Variants in SELE observed in about 807,000 individuals in gnomAD.
SELE encodes selectin E, also known as E-selectin.
Under a neutral mutation model 75.8 loss-of-function variants are expected in SELE, and 52 were observed. That is an observed-to-expected ratio of 0.69 (90% CI 0.55 to 0.86). SELE has a LOEUF of 0.86. Among genes scored for constraint, SELE ranks in the 40% least tolerant of loss-of-function variants. The pLI, the probability that SELE is intolerant of heterozygous loss-of-function variation, is 0.00. For synonymous variants in SELE, 285 were observed against 258.7 expected, an observed-to-expected ratio of 1.10 and a Z score of -0.98; for missense variants, 754 against 732.7, an observed-to-expected ratio of 1.03 and a Z score of -0.34.
At position 169,730,558 on chromosome 1, in the gene SELE, G is replaced by A. The variant is rs1418142633; in HGVS notation, c.589C>T (p.Leu197=). ...GAAGAATTGTAGCTGAAGTTTCCCA[G>A]TGGGTGACTGCAAACCAGGCTTCCA... ...EHGSLVCSHP[L]GNFSYNSSCS... The change falls in exon 5 of 14, where the codon CTG becomes TTG. Residue 197 remains leucine, a synonymous_variant. Coordinates refer to ENST00000333360, the MANE Select transcript of SELE (RefSeq NM_000450.2). 4.3e-6 allele frequency: 7 copies of A among 1,613,912 alleles called. No individual in the cohort carries two copies. The Admixed American group carries it at 1.2e-4, about 27-fold the overall frequency.
rs747974354 is a variant in SELE at position 169,729,262 on chromosome 1, G to C, written c.1014C>G (p.Gly338=). Residue 338 remains glycine (G), a synonymous_variant, in exon 7 of 14, where the codon GGC becomes GGG. Transcript: ENST00000333360. ...CCTGGGCTGGTCCCTGCAACATGAA[G>C]CCTTCCTCACAGGTGAAGTTGCAGG... ...KSSCNFTCEE[G]FMLQGPAQVE... is the part of the protein sequence containing the mutation. 5.6e-6 allele frequency: 9 copies of C among 1,614,008 alleles called. No homozygotes were observed. Among genetic ancestry groups the C allele is most frequent in the Non-Finnish European group, 1.7e-6 (2 of 1,180,006 alleles).
chr1:169,726,208 T>A (rs1291824597), intron 11 of SELE, among the ~76,000 whole-genome samples: 1 of 152,202 alleles, frequency 6.6e-6, no homozygotes, highest in Non-Finnish European at 1.5e-5. Context: ...TCCAAAGTCT[T>A]AATTTAAATG....
chr1:169,725,334 G>C (rs762323728), intron 13 of SELE, among the ~76,000 whole-genome samples: 1 of 151,024 alleles, frequency 6.6e-6, no homozygotes, highest in African/African-American at 2.4e-5. Flanking sequence ...AGTGAGCCAA[G>C]ATCATGCCAC....
In SELE at chr1:169,732,965, T is replaced by A; in HGVS notation, c.71A>T (p.Tyr24Phe). The change falls in exon 3 of 14, where the codon TAC (tyrosine) becomes TTC (phenylalanine). Residue 24 changes from tyrosine to phenylalanine, a missense_variant. Physicochemically the swap from Tyr to Phe is conservative, Grantham distance 22. Transcript: ENST00000333360. ...LLIKESGAWS[Y>F]NTSTEAMTYD... ...AGTCATAGCTTCCGTGGAGGTGTTG[T>A]AAGACCAGGCTCCACTCTCTTTAAT... 6.2e-7 allele frequency: 1 copy of A among 1,607,708 alleles called. No individual in the cohort carries two copies. Among genetic ancestry groups the A allele is most frequent in the Non-Finnish European group, 8.5e-7 (1 of 1,177,972 alleles).
chr1:169,725,778 T>A lies in SELE; in HGVS notation c.1799A>T (p.Asp600Val). Reference protein sequence around the residue: ...PASSCQSLESDGSYQKPSYIL With the variant: ...PASSCQSLESVGSYQKPSYIL ...GTAAGAAGGCTTTTGGTAGCTTCCA[T>A]CTGATTCAAGGCTTTGGCAGCTGCT... The change falls in exon 13 of 14, where the codon GAT (aspartate) becomes GTT (valine). Residue 600 changes from aspartate to valine, a missense_variant. Physicochemically the swap from Asp to Val is radical, Grantham distance 152. Coordinates refer to ENST00000333360, the MANE Select transcript of SELE (RefSeq NM_000450.2). The A allele has an allele frequency of 6.2e-7, 1 of 1,614,082 alleles. No individual in the cohort carries two copies. Among genetic ancestry groups the A allele is most frequent in the Non-Finnish European group, 8.5e-7 (1 of 1,179,966 alleles).
Position 169,731,872 on chromosome 1 carries a change from C to T in SELE, c.492G>A (p.Lys164=), listed in dbSNP as rs199556574. 73 of 1,613,718 alleles carry T rather than the reference C, an allele frequency of 4.5e-5. No individual in the cohort carries two copies. Among genetic ancestry groups the T allele is most frequent in the Middle Eastern group, 1.6e-4 (1 of 6,082 alleles). ...CVETINNYTC[K]CDPGFSGLKC... Reference sequence around the variant, plus strand: ...TGAGTCCACTGAAGCCAGGGTCACACTTGCAAGTGTAATTATTGATGGTCT... The same window carrying T: ...TGAGTCCACTGAAGCCAGGGTCACATTTGCAAGTGTAATTATTGATGGTCT... The change falls in exon 4 of 14, where the codon AAG becomes AAA. Residue 164 remains lysine (K), a synonymous_variant. Coordinates refer to ENST00000333360, the MANE Select transcript of SELE (RefSeq NM_000450.2).
intron 5 of SELE, 84 bp downstream of exon 5, chr1:169,730,348 T>A: frequency 7.8e-7 from 1 of 1,283,050 alleles, no homozygotes; most frequent in Non-Finnish European, 1.0e-6. Context: ...TTCCCTGAAG[T>A]TTTGAAAATG....
chr1:169,725,573 T>C (rs1022047125), intron 13 of SELE, among the ~76,000 whole-genome samples, 156 bp downstream of exon 13: 2 of 150,510 alleles, frequency 1.3e-5, no homozygotes, highest in Admixed American at 6.6e-5. Context: ...CCTCTCCTTC[T>C]ACAAAAAATA....
intron 3 of SELE, among the ~76,000 whole-genome samples, chr1:169,732,372 A>G (rs965203640): frequency 1.4e-5 from 2 of 146,284 alleles, no homozygotes; most frequent in African/African-American, 2.5e-5. Flanking sequence ...GCTGTAGGCT[A>G]TATATATATA....
At chr1:169,730,702 T>TA in intron 4 of SELE, 85 bp from the exon 5 acceptor site, 1 of 780,820 alleles carries the variant, frequency 1.3e-6, no homozygotes, top group Middle Eastern at 2.7e-4. Context: ...AGTTTGGTTT[T>TA]TTTTTTTTTT....
At chr1:169,733,282 C>A (rs983919787) in intron 2 of SELE, among the ~76,000 whole-genome samples, 1 of 152,134 alleles carries the variant, frequency 6.6e-6, no homozygotes, top group African/African-American at 2.4e-5. Context: ...TTATTGAGCA[C>A]TTAGTATGCA....
chr1:169,733,851 A>G, intron 1 of SELE, 120 bp downstream of exon 1: 1 of 561,822 alleles, frequency 1.8e-6, no homozygotes. Flanking sequence ...TCAAAGAGAA[A>G]AGACAGGTTT....
intron 7 of SELE, 89 bp downstream of exon 7, chr1:169,729,097 T>C (rs375025151): frequency 6.8e-6 from 8 of 1,181,382 alleles, no homozygotes; most frequent in Non-Finnish European, 1.2e-6. Flanking sequence ...TTTCTATAGT[T>C]AAAGTGGGTA....
rs1431483362 is a variant in SELE at position 169,724,337 on chromosome 1, T to C, written c.*188A>G. 6.6e-6 allele frequency: 1 copy of C among 152,334 alleles called. No homozygotes were observed. The highest frequency in any genetic ancestry group is 2.1e-4 in the South Asian group (1 of 4,834). The allele number at this position is 152,334 out of a possible 1,614,324, so 9.4% of individuals were successfully genotyped here. On this transcript the variant is annotated 3_prime_UTR_variant, in exon 14 of 14. Coordinates refer to ENST00000333360, the MANE Select transcript of SELE (RefSeq NM_000450.2). Reference sequence around the variant, plus strand: ...GAAAGGGAACACTGAGTCTTTTCAGTTGAAGGCCGTCCTTGCCTGCTGGAC... The same window carrying C: ...GAAAGGGAACACTGAGTCTTTTCAGCTGAAGGCCGTCCTTGCCTGCTGGAC...
Position 169,723,586 on chromosome 1 carries a change from T to C in SELE, c.*939A>G, listed in dbSNP as rs1159805647. 6.6e-6 allele frequency: 1 copy of C among 152,224 alleles called. No homozygotes were observed. 9.4% of individuals were successfully genotyped at this position (152,224 alleles called of 1,614,324 possible). A position where few individuals can be genotyped will look rare whatever the true frequency, so the allele number is the denominator to read the frequency against. ...GACAATATACAAACCTTCCATTCAGTTTTTACTCTCCAATTCTACCATGTT... is the reference window on the plus strand; with the variant it reads ...GACAATATACAAACCTTCCATTCAGCTTTTACTCTCCAATTCTACCATGTT... On this transcript the variant is annotated 3_prime_UTR_variant, in exon 14 of 14. Coordinates refer to ENST00000333360, the MANE Select transcript of SELE (RefSeq NM_000450.2).
chr1:169,727,988 A>G, intron 8 of SELE, 61 bp from the exon 9 acceptor site: 2 of 1,587,490 alleles, frequency 1.3e-6, no homozygotes, highest in Non-Finnish European at 1.7e-6. Flanking sequence ...ACGTTTCCCA[A>G]GGTAACCAAG....
chr1:169,729,490 T>G lies in SELE; in HGVS notation c.899A>C (p.Lys300Thr), dbSNP rs1284755744. 1.9e-6 allele frequency: 3 copies of G among 1,613,894 alleles called. No homozygotes were observed. In the African/African-American group the frequency reaches 4.0e-5, roughly 22 times the overall value. ...GNWDNEKPTC[K>T]AVTCRAVRQP... ...GTCTCCATGTGGAACAACTCTACCT[T>G]TACACGTTGGCTTCTCGTTGTCCCA... is the stretch of plus-strand genomic sequence containing the variant. Residue 300 changes from lysine to threonine, a missense_variant and splice_region_variant, in exon 6 of 14, where the codon AAA becomes ACA. Physicochemically the swap from Lys to Thr is moderately conservative, Grantham distance 78. Transcript: ENST00000333360.
rs1261295472 is a variant in SELE, at chr1:169,725,606, C to A, written c.*15+123G>T. ...ATAAAGCAACTTTCCAGAACAATAC[C>A]CAGGTGATGATTTCTCCCCTGCTCC... On this transcript the variant is annotated intron_variant, in intron 13 of 13. Coordinates refer to ENST00000333360, the MANE Select transcript of SELE (RefSeq NM_000450.2). 18 of 702,550 alleles carry A rather than the reference C, an allele frequency of 2.6e-5. 1 individual carries two copies. The East Asian group carries it at 4.8e-4, about 19-fold the overall frequency. The allele number at this position is 702,550 out of a possible 1,614,324, so 43.5% of individuals were successfully genotyped here.
At position 169,723,060 on chromosome 1, in the gene SELE, AG is replaced by A. The variant is rs1448087016; in HGVS notation, c.*1464del. The A allele has an allele frequency of 2.6e-5, 4 of 152,218 alleles. No homozygotes were observed. Among genetic ancestry groups the A allele is most frequent in the Non-Finnish European group, 4.4e-5 (3 of 68,046 alleles). The allele number at this position is 152,218 out of a possible 1,614,324, so 9.4% of individuals were successfully genotyped here. ...ACACATGCTAAGTTAATGGAAGTGT[AG>A]GAGAGTTTTGATTCTCACACTCCTC... On this transcript the variant is annotated 3_prime_UTR_variant, in exon 14 of 14. Transcript: ENST00000333360.
Sources: gnomAD v4.1 joint callset for allele counts (sites outside exome capture counted in the v4.1 genomes callset) on GRCh38, gnomAD v4.1.1 for gene constraint, MANE v1.5 for transcripts, NCBI Gene and HGNC (gene_info 2026-07-23, HGNC 2026-07-21) for gene names.